The following ZNF385B variants were observed in gnomAD, a reference collection of about 807,000 sequenced individuals.
ZNF385B encodes zinc finger protein 385B, also known as zinc finger protein 533.
ZNF385B carries 23 observed loss-of-function variants against 39.2 expected under a neutral mutation model. The ratio of observed to expected loss-of-function variants is 0.59; its 90% CI spans 0.42 to 0.83. The LOEUF (loss-of-function observed/expected upper bound fraction) is 0.83, where lower values mean the gene tolerates loss of function less well. Among genes scored for constraint, ZNF385B ranks in the 40% least tolerant of loss-of-function variants. The pLI is 0.00. For synonymous variants in ZNF385B, 205 were observed against 222.6 expected, an observed-to-expected ratio of 0.92 and a Z score of 0.70; for missense variants, 552 against 598.9, an observed-to-expected ratio of 0.92 and a Z score of 0.82.
At chr2:179,668,516 T>A (rs1034595260) in intron 3 of ZNF385B, among the ~76,000 whole-genome samples, 21 of 149,552 alleles carry the variant, frequency 1.4e-4, no homozygotes, top group Non-Finnish European at 3.0e-4. Flanking sequence ...GCTAAATGGA[T>A]GGAAACAGTG....
At chr2:179,654,410 A>G (rs1693525585) in intron 3 of ZNF385B, among the ~76,000 whole-genome samples, 1 of 152,178 alleles carries the variant, frequency 6.6e-6, no homozygotes, top group African/African-American at 2.4e-5. Context: ...GCAGGAGGAT[A>G]GGAGCCTGTC....
intron 3 of ZNF385B, among the ~76,000 whole-genome samples, chr2:179,569,272 A>T (rs1431762101): frequency 6.6e-6 from 1 of 152,192 alleles, no homozygotes; most frequent in Non-Finnish European, 1.5e-5. Context: ...ACACTAATAA[A>T]ATATCTTTTG....
intron 3 of ZNF385B, among the ~76,000 whole-genome samples, chr2:179,697,328 G>T (rs1318989162): frequency 6.6e-6 from 1 of 152,120 alleles, no homozygotes; most frequent in East Asian, 1.9e-4. Context: ...TCTCCCCACT[G>T]CTGTTCTCAT....
chr2:179,595,846 TAAA>T (rs1026237383), intron 3 of ZNF385B, among the ~76,000 whole-genome samples: 1 of 145,062 alleles, frequency 6.9e-6, no homozygotes, highest in South Asian at 2.2e-4. Flanking sequence ...AGACCCTGTC[TAAA>T]AAAAAAAGAA....
At chr2:179,790,038 T>C (rs1365120320) in intron 1 of ZNF385B, among the ~76,000 whole-genome samples, 1 of 152,178 alleles carries the variant, frequency 6.6e-6, no homozygotes, top group Admixed American at 6.5e-5. Flanking sequence ...AGTATTATGT[T>C]CCATGACAAC....
At chr2:179,792,365 A>ATTCTTTTTTTT (rs34469960) in intron 1 of ZNF385B, among the ~76,000 whole-genome samples, 4 of 120,616 alleles carry the variant, frequency 3.3e-5, no homozygotes, top group Admixed American at 9.4e-5. Context: ...AGGCCATTTC[A>ATTCTTTTTTTT]TTTTCTTTTC....
intron 5 of ZNF385B, among the ~76,000 whole-genome samples, chr2:179,487,606 C>T (rs1025600892): frequency 1.3e-5 from 2 of 152,182 alleles, no homozygotes; most frequent in Admixed American, 6.5e-5. Flanking sequence ...AGGCAACACA[C>T]GTCAAGCCCA....
At chr2:179,492,698 A>AAC (rs2055373669) in intron 5 of ZNF385B, among the ~76,000 whole-genome samples, 1 of 152,106 alleles carries the variant, frequency 6.6e-6, no homozygotes, top group Non-Finnish European at 1.5e-5. Context: ...TGTTTCACAA[A>AAC]ACAGGTTTTT....
intron 3 of ZNF385B, among the ~76,000 whole-genome samples, chr2:179,696,138 G>A (rs781760333): frequency 8.5e-5 from 13 of 152,188 alleles, no homozygotes; most frequent in East Asian, 1.9e-4. Flanking sequence ...GGATAAGCAG[G>A]TGGTAGGTCA....
chr2:179,531,987 C>T (rs2059280574), intron 4 of ZNF385B, among the ~76,000 whole-genome samples: 1 of 152,168 alleles, frequency 6.6e-6, no homozygotes, highest in African/African-American at 2.4e-5. Context: ...TTATAGTGTA[C>T]AAAATATACA....
At chr2:179,726,951 A>G (rs1701060865) in intron 3 of ZNF385B, among the ~76,000 whole-genome samples, 1 of 152,090 alleles carries the variant, frequency 6.6e-6, no homozygotes. Flanking sequence ...TGGAGATTAG[A>G]ATCCACATTA....
At chr2:179,564,517 C>G (rs145105640) in intron 3 of ZNF385B, among the ~76,000 whole-genome samples, 5 of 152,294 alleles carry the variant, frequency 3.3e-5, no homozygotes, top group African/African-American at 1.2e-4. Context: ...GGAAACAAAA[C>G]TTGCTCCATT....
At chr2:179,609,117 A>T (rs1689075954) in intron 3 of ZNF385B, among the ~76,000 whole-genome samples, 1 of 151,988 alleles carries the variant, frequency 6.6e-6, no homozygotes. Context: ...ATATTATTGT[A>T]AACTGTAATC....
At chr2:179,678,861 A>C (rs1575205481) in intron 3 of ZNF385B, among the ~76,000 whole-genome samples, 1 of 152,198 alleles carries the variant, frequency 6.6e-6, no homozygotes, top group East Asian at 1.9e-4. Flanking sequence ...ATTTCCCTCT[A>C]CATTGAACTA....
chr2:179,622,755 C>T (rs1690321905), intron 3 of ZNF385B, among the ~76,000 whole-genome samples: 1 of 152,164 alleles, frequency 6.6e-6, no homozygotes, highest in African/African-American at 2.4e-5. Flanking sequence ...ATTTCTGTAA[C>T]TGGCATTGTC....
intron 3 of ZNF385B, among the ~76,000 whole-genome samples, chr2:179,586,821 G>A (rs1030261173): frequency 3.3e-5 from 5 of 152,060 alleles, no homozygotes; most frequent in Admixed American, 6.5e-5. Context: ...GGCGGATCAC[G>A]AGGTCAGGAG....
chr2:179,632,821 C>A (rs146913623), intron 3 of ZNF385B, among the ~76,000 whole-genome samples: 11 of 151,634 alleles, frequency 7.3e-5, no homozygotes, highest in Non-Finnish European at 1.0e-4. Flanking sequence ...CTAATAAAGA[C>A]GAAAAGAGAG....
intron 4 of ZNF385B, among the ~76,000 whole-genome samples, chr2:179,523,429 T>A (rs923416681): frequency 6.7e-6 from 1 of 149,752 alleles, no homozygotes; most frequent in Non-Finnish European, 1.5e-5. Context: ...GTGTAAAAAG[T>A]CATATAAAAA....
intron 3 of ZNF385B, among the ~76,000 whole-genome samples, chr2:179,563,254 T>C (rs1684149655): frequency 6.6e-6 from 1 of 152,202 alleles, no homozygotes; most frequent in South Asian, 2.1e-4. Context: ...TCTGACCATG[T>C]TGTCAGAATA....
Sources: allele counts gnomAD v4.1 joint callset (sites outside exome capture counted in the v4.1 genomes callset), GRCh38; gene constraint gnomAD v4.1.1; transcripts MANE v1.5; gene names NCBI Gene and HGNC (gene_info 2026-07-23, HGNC 2026-07-21).